ZMAT4: variants seen among roughly 807,000 people sequenced by gnomAD.
ZMAT4 encodes zinc finger matrin-type 4.
Under a neutral mutation model 28.7 loss-of-function variants are expected in ZMAT4, and 17 were observed. The observed-to-expected ratio is 0.59, with a 90% CI of 0.41 to 0.89. The LOEUF (loss-of-function observed/expected upper bound fraction) is 0.89. Among genes scored for constraint, ZMAT4 ranks in the 40% least tolerant of loss-of-function variants. The pLI is 0.00. For missense variants in ZMAT4, 240 were observed against 283.8 expected (o/e 0.85, Z 1.11); for synonymous variants, 117 against 109.2 (o/e 1.07, Z -0.44).
At chr8:40,661,769 A>T (rs1451554785) in intron 5 of ZMAT4, among the ~76,000 whole-genome samples, 1 of 152,106 alleles carries the variant, frequency 6.6e-6, no homozygotes, top group Non-Finnish European at 1.5e-5. Flanking sequence ...TCTTCCTAGA[A>T]CCTTATGAAA....
intron 6 of ZMAT4, among the ~76,000 whole-genome samples, chr8:40,568,430 A>G (rs1803990799): frequency 6.6e-6 from 1 of 152,160 alleles, no homozygotes; most frequent in Admixed American, 6.5e-5. Flanking sequence ...ACTGAGATCC[A>G]CTGGGGTTCT....
intron 3 of ZMAT4, among the ~76,000 whole-genome samples, chr8:40,764,507 A>G (rs1813065953): frequency 6.6e-6 from 1 of 152,058 alleles, no homozygotes; most frequent in Non-Finnish European, 1.5e-5. Flanking sequence ...CAGGGTTCAT[A>G]CATGGTCAGG....
At chr8:40,617,971 A>G (rs1218374611) in intron 5 of ZMAT4, among the ~76,000 whole-genome samples, 1 of 152,228 alleles carries the variant, frequency 6.6e-6, no homozygotes, top group East Asian at 1.9e-4. Context: ...AATAAGGCAC[A>G]CAGCACAGAT....
intron 3 of ZMAT4, among the ~76,000 whole-genome samples, chr8:40,726,791 C>T (rs181410937): frequency 1.3e-5 from 2 of 152,164 alleles, no homozygotes; most frequent in Non-Finnish European, 2.9e-5. Flanking sequence ...ACAATATGGC[C>T]GGCAGAGTCT....
At chr8:40,570,492 A>G (rs1415936262) in intron 6 of ZMAT4, among the ~76,000 whole-genome samples, 4 of 152,252 alleles carry the variant, frequency 2.6e-5, no homozygotes, top group African/African-American at 9.6e-5. Flanking sequence ...TGAGACAAGG[A>G]GTTTGAGACC....
chr8:40,621,628 C>T (rs1016695878), intron 5 of ZMAT4, among the ~76,000 whole-genome samples: 5 of 152,316 alleles, frequency 3.3e-5, no homozygotes, highest in East Asian at 1.9e-4. Flanking sequence ...ATTAAGCTAA[C>T]GGCACTGACT....
chr8:40,810,359 A>T (rs773036579), intron 2 of ZMAT4, among the ~76,000 whole-genome samples: 7 of 152,242 alleles, frequency 4.6e-5, no homozygotes, highest in Non-Finnish European at 4.4e-5. Context: ...AACTAAATAC[A>T]GTAAAGACTG....
chr8:40,756,876 G>T (rs1201332319), intron 3 of ZMAT4, among the ~76,000 whole-genome samples: 1 of 152,070 alleles, frequency 6.6e-6, no homozygotes. Context: ...TGATCTGTTA[G>T]CACTGAGCTC....
chr8:40,570,141 A>G (rs919959473), intron 6 of ZMAT4, among the ~76,000 whole-genome samples: 1 of 152,202 alleles, frequency 6.6e-6, no homozygotes, highest in African/African-American at 2.4e-5. Context: ...ACAAAAAAGA[A>G]AGCATGCCAT....
chr8:40,658,486 G>A (rs1425010600), intron 5 of ZMAT4, among the ~76,000 whole-genome samples: 1 of 152,004 alleles, frequency 6.6e-6, no homozygotes, highest in East Asian at 1.9e-4. Flanking sequence ...ATGGGGCATG[G>A]GGGGTTGGGA....
chr8:40,730,497 C>A (rs1811490620), intron 3 of ZMAT4, among the ~76,000 whole-genome samples: 1 of 152,080 alleles, frequency 6.6e-6, no homozygotes, highest in South Asian at 2.1e-4. Context: ...TTTTTATTTG[C>A]CCAATCTAAC....
chr8:40,826,738 C>T (rs1446059607), intron 1 of ZMAT4, among the ~76,000 whole-genome samples: 1 of 152,084 alleles, frequency 6.6e-6, no homozygotes, highest in African/African-American at 2.4e-5. Flanking sequence ...ACAAATGATC[C>T]CACAAAGTAA....
rs544164794 is a variant in ZMAT4 at position 40,726,546 on chromosome 8, T to C, written c.193-29145A>G. On this transcript the variant is annotated intron_variant, in intron 3 of 6. Transcript: ENST00000297737. ...GGAGCCAGGTAAGTAATCTCATAGCTGTTCCGTGTCCCCATCAACCTAGAT... is the reference window on the plus strand; with the variant it reads ...GGAGCCAGGTAAGTAATCTCATAGCCGTTCCGTGTCCCCATCAACCTAGAT... 2.6e-5 allele frequency among the ~76,000 whole-genome samples: 4 copies of C among 152,364 alleles called. No homozygotes were observed. In the South Asian group the frequency reaches 6.2e-4, roughly 24 times the overall value.
intron 5 of ZMAT4, among the ~76,000 whole-genome samples, chr8:40,666,224 T>C (rs1808408748): frequency 6.6e-6 from 1 of 152,194 alleles, no homozygotes; most frequent in African/African-American, 2.4e-5. Flanking sequence ...ACCATCGAAA[T>C]TTATAATTCC....
chr8:40,564,990 G>C (rs547505700), intron 6 of ZMAT4, among the ~76,000 whole-genome samples: 28 of 152,236 alleles, frequency 1.8e-4, no homozygotes, highest in South Asian at 4.1e-4. Flanking sequence ...TCTGTACACT[G>C]TCTTATTGGA....
intron 1 of ZMAT4, among the ~76,000 whole-genome samples, chr8:40,895,004 C>G (rs1019935558): frequency 6.6e-6 from 1 of 152,158 alleles, no homozygotes; most frequent in African/African-American, 2.4e-5. Flanking sequence ...CAAAAGATTA[C>G]TTACTGATAT....
intron 6 of ZMAT4, among the ~76,000 whole-genome samples, chr8:40,555,443 G>A (rs1451409034): frequency 1.3e-5 from 2 of 152,116 alleles, no homozygotes; most frequent in East Asian, 1.9e-4. Context: ...CCACCATCAC[G>A]AAAATAGCAG....
In ZMAT4 at chr8:40,891,647, G is replaced by A. The variant is rs1234840281; in HGVS notation, c.-5+6036C>T. ...GCCTGAGGGGCTGATGGTCTCGCTG[G>A]GCCAGTTCCTGCAGGAGAAAAAACC... On this transcript the variant is annotated intron_variant, in intron 1 of 6. Transcript: ENST00000297737. Among the ~76,000 whole-genome samples the A allele has an allele frequency of 2.0e-5, 3 of 152,148 alleles. No individual in the cohort carries two copies. The East Asian group carries it at 5.9e-4, about 30-fold the overall frequency.
intron 5 of ZMAT4, among the ~76,000 whole-genome samples, chr8:40,628,160 C>T (rs1462536188): frequency 6.6e-6 from 1 of 152,042 alleles, no homozygotes; most frequent in Admixed American, 6.6e-5. Context: ...TTAAAGTCTG[C>T]CTGAGAGGGT....
Sources: allele counts gnomAD v4.1 joint callset (sites outside exome capture counted in the v4.1 genomes callset), GRCh38; gene constraint gnomAD v4.1.1; transcripts MANE v1.5; gene names NCBI Gene and HGNC (gene_info 2026-07-23, HGNC 2026-07-21).